GLP2R: variants seen among roughly 807,000 people sequenced by gnomAD.
GLP2R encodes the protein glucagon-like peptide 2 receptor.
Under a neutral mutation model 68.2 loss-of-function variants are expected in GLP2R, and 59 were observed. The observed-to-expected ratio is 0.87, with a 90% CI of 0.70 to 1.07. The LOEUF is 1.07. GLP2R is among the 50% of genes least tolerant of loss of function. The probability of loss-of-function intolerance (pLI) is 0.00; values close to 1 mark genes in which losing one functional copy is unlikely to be tolerated. For missense variants in GLP2R, 548 were observed against 677.4 expected, an observed-to-expected ratio of 0.81 and a Z score of 2.12; for synonymous variants, 270 against 265.4, an observed-to-expected ratio of 1.02 and a Z score of -0.17.
chr17:9,865,687 T>C (rs2067029382), intron 9 of GLP2R: 1 of 383,668 alleles, frequency 2.6e-6, no homozygotes, highest in Non-Finnish European at 5.3e-6. Context: ...CCTTGGAAAC[T>C]GAGTCCTTTA....
At chr17:9,850,529 T>G (rs1463293151) in intron 4 of GLP2R, among the ~76,000 whole-genome samples, 1 of 152,126 alleles carries the variant, frequency 6.6e-6, no homozygotes, top group East Asian at 1.9e-4. Context: ...CAAGATTTGG[T>G]ATGTTTCTAT....
At chr17:9,880,323 A>T in intron 10 of GLP2R, 55 bp from the exon 11 acceptor site, 1 of 1,193,542 alleles carries the variant, frequency 8.4e-7, no homozygotes, top group Non-Finnish European at 1.2e-6. Flanking sequence ...AGAGCAGGAA[A>T]TGTTGCTTGT....
chr17:9,867,053 G>A (rs891539983), intron 9 of GLP2R: 3 of 152,206 alleles, frequency 2.0e-5, no homozygotes, highest in Non-Finnish European at 4.4e-5. Context: ...GTAAGAAAGA[G>A]TAACAATAAT....
At chr17:9,870,900 C>A in intron 10 of GLP2R, 65 bp downstream of exon 10, 1 of 802,276 alleles carries the variant, frequency 1.2e-6, no homozygotes, top group Non-Finnish European at 2.2e-6. Flanking sequence ...CTGTTCTGCC[C>A]GCTGTCTTGG....
chr17:9,881,867 A>G (rs1317000771), intron 11 of GLP2R, among the ~76,000 whole-genome samples: 1 of 152,210 alleles, frequency 6.6e-6, no homozygotes, highest in Admixed American at 6.5e-5. Context: ...ACAGCACAGC[A>G]GCGCAGGTCT....
At chr17:9,827,598 G>C (rs1056065610) in intron 1 of GLP2R, among the ~76,000 whole-genome samples, 2 of 152,098 alleles carry the variant, frequency 1.3e-5, no homozygotes, top group Non-Finnish European at 2.9e-5. Flanking sequence ...TGGATACTGG[G>C]CTATGGGCAG....
chr17:9,886,693 G>T (rs1461351778), intron 11 of GLP2R, among the ~76,000 whole-genome samples: 2 of 152,210 alleles, frequency 1.3e-5, no homozygotes, highest in Non-Finnish European at 2.9e-5. Context: ...CAAGCATTTG[G>T]TTGATGTCGT....
At chr17:9,868,641 C>T (rs1013067810) in intron 9 of GLP2R, among the ~76,000 whole-genome samples, 2 of 152,126 alleles carry the variant, frequency 1.3e-5, no homozygotes, top group Admixed American at 6.5e-5. Context: ...CCCAGATGAG[C>T]AGAGGCTTCA....
rs375677663 is a variant in GLP2R, at chr17:9,888,019, T to A, written c.1326+46T>A. On this transcript the variant is annotated intron_variant, in intron 12 of 12. Transcript: ENST00000262441. ...TCCTGGTTTCATGTGAGGTTGGGAC[T>A]GCAACCCTACCCACCTCTGGAGGTT... 414 of 1,343,460 alleles carry A rather than the reference T, an allele frequency of 3.1e-4. 1 individual carries two copies. The African/African-American group carries it at 5.4e-3, about 17-fold the overall frequency. The allele number at this position is 1,343,460 out of a possible 1,614,324, so 83.2% of individuals were successfully genotyped here. A position where few individuals can be genotyped will look rare whatever the true frequency, so the allele number is the denominator to read the frequency against.
Position 9,872,207 on chromosome 17 carries a change from G to A in GLP2R, c.1145+1372G>A, listed in dbSNP as rs191564402. The stretch of plus-strand genomic sequence containing the variant: ...TTATAAGGCCTCACCCAGGTGCTGG[G>A]AAGGGAGTTTTTCCTTTTATCTGAC... On this transcript the variant is annotated intron_variant, in intron 10 of 12. Transcript: ENST00000262441. Among the ~76,000 whole-genome samples the A allele has an allele frequency of 3.3e-3, 505 of 152,336 alleles. 3 individuals carry two copies. The highest frequency in any genetic ancestry group is 7.0e-3 in the South Asian group (34 of 4,824).
chr17:9,859,989 G>T lies in GLP2R; in HGVS notation c.813G>T (p.Val271=), dbSNP rs780635088. Residue 271 remains valine, a synonymous_variant, in exon 7 of 13, where the codon GTG becomes GTT. Coordinates refer to ENST00000262441, the MANE Select transcript of GLP2R (RefSeq NM_004246.3). ...TCCAGGTTCTCTTGCATTACTTTGT[G>T]GGTGCCAATTACTTATGGCTGCTGG... ...RSVQVLLHYF[V]GANYLWLLVE... is the part of the protein sequence containing the mutation. The T allele has an allele frequency of 1.9e-5, 31 of 1,613,206 alleles. No homozygotes were observed. In the South Asian group the frequency reaches 3.1e-4, roughly 16 times the overall value.
intron 1 of GLP2R, among the ~76,000 whole-genome samples, chr17:9,831,548 T>C (rs1429545946): frequency 6.6e-6 from 1 of 151,774 alleles, no homozygotes. Flanking sequence ...TAGGCTTGAG[T>C]TGGGCCTTGA....
chr17:9,836,823 G>GTTATTATTATTA (rs58592727), intron 3 of GLP2R, among the ~76,000 whole-genome samples: 5 of 150,306 alleles, frequency 3.3e-5, no homozygotes, highest in Non-Finnish European at 7.4e-5. Flanking sequence ...GGACGATCAA[G>GTTATTATTATTA]TTATTATTAT....
chr17:9,862,281 T>G, intron 9 of GLP2R, among the ~76,000 whole-genome samples, 191 bp downstream of exon 9: 1 of 152,060 alleles, frequency 6.6e-6, no homozygotes, highest in East Asian at 1.9e-4. Flanking sequence ...TGGAGTTACA[T>G]TGTAAGCCTC....
intron 9 of GLP2R, among the ~76,000 whole-genome samples, chr17:9,864,431 C>T (rs1280391152): frequency 6.6e-6 from 1 of 152,172 alleles, no homozygotes; most frequent in Non-Finnish European, 1.5e-5. Flanking sequence ...TACCCCAGAC[C>T]TATGACATTA....
chr17:9,878,654 A>C (rs1251134636), intron 10 of GLP2R, among the ~76,000 whole-genome samples: 2 of 152,152 alleles, frequency 1.3e-5, no homozygotes, highest in East Asian at 3.9e-4. Flanking sequence ...GGCCAGGTGG[A>C]GTCCCTCCGT....
At chr17:9,860,213 A>G (rs905521484) in intron 7 of GLP2R, 112 bp downstream of exon 7, 60 of 989,060 alleles carry the variant, frequency 6.1e-5, no homozygotes, top group African/African-American at 3.8e-4. Context: ...TCTGGGACAT[A>G]TAAGTCCTCA....
intron 1 of GLP2R, among the ~76,000 whole-genome samples, chr17:9,829,274 T>C (rs2066659514): frequency 6.6e-6 from 1 of 152,176 alleles, no homozygotes; most frequent in African/African-American, 2.4e-5. Flanking sequence ...TTGCGGCCCT[T>C]TTATACATGG....
At chr17:9,863,958 T>C (rs7207205) in intron 9 of GLP2R, among the ~76,000 whole-genome samples, 68,828 of 151,776 alleles carry the variant, frequency 0.45, 16,200 homozygotes, top group African/African-American at 0.58. Context: ...GCTAACCAGG[T>C]AGAACAAAGT....
Sources: allele counts gnomAD v4.1 joint callset (sites outside exome capture counted in the v4.1 genomes callset), GRCh38; gene constraint gnomAD v4.1.1; transcripts MANE v1.5; gene names NCBI Gene and HGNC (gene_info 2026-07-23, HGNC 2026-07-21).